Variants in SYCP2L observed in about 807,000 individuals in gnomAD.
SYCP2L encodes the protein synaptonemal complex protein 2 like.
SYCP2L carries 98 observed loss-of-function variants against 125.8 expected under a neutral mutation model. The observed-to-expected ratio is 0.78, with a 90% CI of 0.66 to 0.92. The LOEUF (loss-of-function observed/expected upper bound fraction) is 0.92. SYCP2L is among the 40% of genes least tolerant of loss of function. The pLI is 0.00. For synonymous variants in SYCP2L, 317 were observed against 325.4 expected (o/e 0.97, Z 0.28); for missense variants, 842 against 936.4 (o/e 0.90, Z 1.32).
intron 5 of SYCP2L, 106 bp downstream of exon 5, chr6:10,898,221 A>G (rs1278252948): frequency 1.2e-6 from 1 of 855,676 alleles, no homozygotes; most frequent in African/African-American, 1.7e-5. Flanking sequence ...AGTTTTGTTA[A>G]AAGACTCACA....
intron 9 of SYCP2L, among the ~76,000 whole-genome samples, chr6:10,907,162 G>A (rs1311423592): frequency 6.6e-6 from 1 of 151,942 alleles, no homozygotes; most frequent in African/African-American, 2.4e-5. Flanking sequence ...TGGCCAACAT[G>A]GCAAAACCTT....
At chr6:10,926,199 C>T (rs1278395520) in intron 15 of SYCP2L, 140 bp from the exon 16 acceptor site, 3 of 648,520 alleles carry the variant, frequency 4.6e-6, no homozygotes, top group Admixed American at 2.5e-5. Flanking sequence ...TGGAATGATC[C>T]TTCAGGAGAG....
intron 14 of SYCP2L, among the ~76,000 whole-genome samples, chr6:10,923,702 G>A (rs1276863142): frequency 1.1e-5 from 1 of 91,668 alleles, no homozygotes; most frequent in Non-Finnish European, 2.1e-5. Flanking sequence ...TTTTTTTCTT[G>A]AGACGGAGTC....
chr6:10,959,629 G>A (rs6918376), intron 26 of SYCP2L, among the ~76,000 whole-genome samples: 12,284 of 152,140 alleles, frequency 0.081, 1,152 homozygotes, highest in East Asian at 0.22. Flanking sequence ...CGGTACTTTG[G>A]GAGGCTGAGG....
At chr6:10,933,369 G>A (rs77183897) in intron 20 of SYCP2L, among the ~76,000 whole-genome samples, 3,331 of 152,234 alleles carry the variant, frequency 0.022, 164 homozygotes, top group East Asian at 0.22. Context: ...TTGCTTTCAA[G>A]AACAGCAACA....
intron 23 of SYCP2L, among the ~76,000 whole-genome samples, chr6:10,952,873 A>G (rs1166678756): frequency 6.6e-6 from 1 of 152,202 alleles, no homozygotes; most frequent in Non-Finnish European, 1.5e-5. Flanking sequence ...CCTTCAAACA[A>G]ATGGACACAC....
intron 14 of SYCP2L, among the ~76,000 whole-genome samples, chr6:10,918,354 C>T (rs1261329828): frequency 6.6e-6 from 1 of 151,876 alleles, no homozygotes; most frequent in Non-Finnish European, 1.5e-5. Context: ...GATTATTCCC[C>T]CAAATATATT....
intron 17 of SYCP2L, among the ~76,000 whole-genome samples, chr6:10,927,611 A>G (rs1217230793): frequency 2.0e-5 from 3 of 152,202 alleles, no homozygotes; most frequent in African/African-American, 4.8e-5. Flanking sequence ...GAATATCACA[A>G]GGCAAATGGA....
At position 10,902,719 on chromosome 6, in the gene SYCP2L, T is replaced by G; in HGVS notation, c.509T>G (p.Phe170Cys). The change falls in exon 7 of 30, where the codon TTC becomes TGC. Residue 170 changes from phenylalanine (F) to cysteine (C), a missense_variant. By Grantham distance (205) the Phe-to-Cys change is radical. Coordinates refer to ENST00000283141, the MANE Select transcript of SYCP2L (RefSeq NM_001040274.3). ...GATTCCTTCCTACTTAGCTTAGGAT[T>G]CCTGGTGACAGAAAAGACTGTAAAT... ...MLDSFLLSLGFLVTEKTVNHL... is the reference protein window; with the variant it reads ...MLDSFLLSLGCLVTEKTVNHL... The G allele has an allele frequency of 6.2e-7, 1 of 1,614,210 alleles. No individual in the cohort carries two copies. Among genetic ancestry groups the G allele is most frequent in the Non-Finnish European group, 8.5e-7 (1 of 1,180,034 alleles).
chr6:10,895,616 G>C (rs961698898), intron 4 of SYCP2L, among the ~76,000 whole-genome samples: 2 of 135,236 alleles, frequency 1.5e-5, no homozygotes, highest in Admixed American at 1.7e-4. Flanking sequence ...GCAAAAAGGA[G>C]AAAGGAGAAC....
chr6:10,945,544 T>G (rs1481972398), intron 23 of SYCP2L, among the ~76,000 whole-genome samples: 1 of 151,948 alleles, frequency 6.6e-6, no homozygotes, highest in East Asian at 1.9e-4. Flanking sequence ...CCAAGGTGGG[T>G]GGATCACCTG....
chr6:10,948,259 G>A (rs117498485), intron 23 of SYCP2L, among the ~76,000 whole-genome samples: 4,125 of 152,100 alleles, frequency 0.027, 152 homozygotes, highest in East Asian at 0.2. Flanking sequence ...ATTATTAGCT[G>A]TAGTCACCAT....
Position 10,930,442 on chromosome 6 carries a change from A to G in SYCP2L, c.1561A>G (p.Ser521Gly). The change falls in exon 19 of 30, where the codon AGT becomes GGT. Residue 521 changes from serine to glycine, a missense_variant. Ser to Gly is a moderately conservative substitution (Grantham distance 56, BLOSUM62 0). Coordinates refer to ENST00000283141, the MANE Select transcript of SYCP2L (RefSeq NM_001040274.3). Reference protein sequence around the residue: ...DSSTSELSWTSNQKKKSLKSY... With the variant: ...DSSTSELSWTGNQKKKSLKSY... ...AAGTACCAGTGAACTATCTTGGACC[A>G]GTAACCAGAAAAAGAAATCCCTAAA... 6.2e-7 allele frequency: 1 copy of G among 1,613,738 alleles called. No individual in the cohort carries two copies. Among genetic ancestry groups the G allele is most frequent in the East Asian group, 2.2e-5 (1 of 44,780 alleles).
At chr6:10,895,969 A>G (rs7450257) in intron 4 of SYCP2L, among the ~76,000 whole-genome samples, 79,613 of 151,922 alleles carry the variant, frequency 0.52, 22,369 homozygotes, top group South Asian at 0.72. Context: ...CCTTGCCAAC[A>G]TGGTGAAACC....
chr6:10,907,566 C>A lies in SYCP2L; in HGVS notation c.701C>A (p.Ser234Tyr). 1 of 1,611,730 alleles carries A rather than the reference C, an allele frequency of 6.2e-7. No homozygotes were observed. Among genetic ancestry groups the A allele is most frequent in the Non-Finnish European group, 8.5e-7 (1 of 1,178,790 alleles). Residue 234 changes from serine to tyrosine, a missense_variant, in exon 10 of 30, where the codon TCT becomes TAT. Coordinates refer to ENST00000283141, the MANE Select transcript of SYCP2L (RefSeq NM_001040274.3). The stretch of plus-strand genomic sequence containing the variant: ...GATTATGACCAGCAGGTTGCTATTT[C>A]TGAAGCGCTGTGTAGACTGACGATT... ...VGDYDQQVAISEALCRLTIKK... is the reference protein window; with the variant it reads ...VGDYDQQVAIYEALCRLTIKK...
chr6:10,952,039 A>G (rs1320367233), intron 23 of SYCP2L, among the ~76,000 whole-genome samples: 1 of 152,220 alleles, frequency 6.6e-6, no homozygotes, highest in East Asian at 1.9e-4. Context: ...GCAGCCACCA[A>G]CACATACACA....
chr6:10,890,225 C>A (rs1014638367), intron 1 of SYCP2L, among the ~76,000 whole-genome samples: 1 of 152,148 alleles, frequency 6.6e-6, no homozygotes, highest in Non-Finnish European at 1.5e-5. Context: ...TTGGATATAT[C>A]TCCAGGAGTG....
chr6:10,953,845 T>C (rs1356713323), intron 23 of SYCP2L, among the ~76,000 whole-genome samples: 1 of 151,322 alleles, frequency 6.6e-6, no homozygotes, highest in Non-Finnish European at 1.5e-5. Flanking sequence ...GTGTGAAGAG[T>C]TGGGAGGCTA....
chr6:10,924,363 A>G, intron 14 of SYCP2L, 133 bp from the exon 15 acceptor site: 1 of 676,152 alleles, frequency 1.5e-6, no homozygotes. Context: ...GTTATTTAAT[A>G]TGATTTCTTT....
Sources: allele counts gnomAD v4.1 joint callset (sites outside exome capture counted in the v4.1 genomes callset), GRCh38; gene constraint gnomAD v4.1.1; transcripts MANE v1.5; gene names NCBI Gene and HGNC (gene_info 2026-07-23, HGNC 2026-07-21).